The following DNAH8 variants were observed in gnomAD, a reference collection of about 807,000 sequenced individuals.
The protein encoded by DNAH8 is dynein axonemal heavy chain 8, also known as axonemal beta dynein heavy chain 8.
In DNAH8, 382 loss-of-function variants were observed where a neutral mutation model predicts 562.1. That is an observed-to-expected ratio of 0.68 (90% CI 0.63 to 0.74). The LOEUF is 0.74. Among genes scored for constraint, DNAH8 ranks in the 30% least tolerant of loss-of-function variants. The pLI, the probability that DNAH8 is intolerant of heterozygous loss-of-function variation, is 0.00. For missense variants in DNAH8, 5,203 were observed against 5,620.4 expected (o/e 0.93, Z 2.37); for synonymous variants, 1,881 against 1,919.4 (o/e 0.98, Z 0.52).
At chr6:38,813,330 C>A (rs1169488370) in intron 24 of DNAH8, among the ~76,000 whole-genome samples, 1 of 152,054 alleles carries the variant, frequency 6.6e-6, no homozygotes, top group Non-Finnish European at 1.5e-5. Context: ...ATCTGGGAAC[C>A]ATTGGCCCTG....
At chr6:38,894,669 T>G in intron 58 of DNAH8, 32 bp from the exon 59 acceptor site, 1 of 1,574,622 alleles carries the variant, frequency 6.4e-7, no homozygotes, top group Non-Finnish European at 8.7e-7. Context: ...ATCTGAAAAC[T>G]AACTGAGAGT....
chr6:38,863,275 C>T (rs1776779082), intron 44 of DNAH8, among the ~76,000 whole-genome samples: 1 of 151,752 alleles, frequency 6.6e-6, no homozygotes, highest in Non-Finnish European at 1.5e-5. Flanking sequence ...ACTAAAAATA[C>T]AAAAATTAGC....
chr6:38,750,515 A>C lies in DNAH8; in HGVS notation c.1333A>C (p.Asn445His), dbSNP rs892864091. The change falls in exon 9 of 93, where the codon AAT becomes CAT. Residue 445 changes from asparagine to histidine, a missense_variant. Around this residue, in one of 6 missense-constraint regions of DNAH8, gnomAD observed 2,176 missense variants for 2,365.1 expected, o/e 0.92. Coordinates refer to ENST00000327475, the MANE Select transcript of DNAH8 (RefSeq NM_001206927.2). ...DLDARITDTA[N>H]ESKDNVRYLY... ...GGATGCAAGAATCACTGATACAGCA[A>C]ATGAATCCAAAGATAATGTCAGATA... 1 of 1,612,514 alleles carries C rather than the reference A, an allele frequency of 6.2e-7. No homozygotes were observed. Among genetic ancestry groups the C allele is most frequent in the African/African-American group, 1.3e-5 (1 of 74,874 alleles).
chr6:38,737,565 T>C (rs1011492271), intron 6 of DNAH8, among the ~76,000 whole-genome samples: 2 of 151,402 alleles, frequency 1.3e-5, no homozygotes, highest in Non-Finnish European at 2.9e-5. Flanking sequence ...TTTTTCATAT[T>C]GTTAAAATGT....
At chr6:38,767,569 G>A (rs931112047) in intron 11 of DNAH8, among the ~76,000 whole-genome samples, 5 of 152,052 alleles carry the variant, frequency 3.3e-5, no homozygotes, top group East Asian at 1.9e-4. Context: ...GTTCTTTTGT[G>A]TCTGGTTTAT....
Position 39,030,292 on chromosome 6 carries a change from G to T in DNAH8, c.14024G>T (p.Arg4675Leu). 1 of 1,614,078 alleles carries T rather than the reference G, an allele frequency of 6.2e-7. No homozygotes were observed. The highest frequency in any genetic ancestry group is 1.1e-5 in the South Asian group (1 of 91,080). Residue 4675 changes from arginine to leucine, a missense_variant, in exon 93 of 93, where the codon CGA (arginine) becomes CTA (leucine). Arg to Leu is a moderately radical substitution (Grantham distance 102). Coordinates refer to ENST00000327475, the MANE Select transcript of DNAH8 (RefSeq NM_001206927.2). Reference sequence around the variant, plus strand: ...TGTCCTATTTACAAGAAACCCAGGCGAACTGATTTGACCTTCATCACTGTG... The same window carrying T: ...TGTCCTATTTACAAGAAACCCAGGCTAACTGATTTGACCTTCATCACTGTG... ...YVCPIYKKPR[R>L]TDLTFITVVY...
rs185117089 is a variant in DNAH8 at position 38,723,085 on chromosome 6, G to A, written c.276G>A (p.Pro92=). ...NRVRQRLAPR[P]VQSVISEVLS... is the part of the protein sequence containing the mutation. ...TTCGACAGAGGCTTGCACCGCGACCGGTTCAGTCAGTGATTTCGGAAGTGC... is the reference window on the plus strand; with the variant it reads ...TTCGACAGAGGCTTGCACCGCGACCAGTTCAGTCAGTGATTTCGGAAGTGC... Residue 92 remains proline, a synonymous_variant, in exon 2 of 93, where the codon CCG becomes CCA. Coordinates refer to ENST00000327475, the MANE Select transcript of DNAH8 (RefSeq NM_001206927.2). 10 of 1,612,876 alleles carry A rather than the reference G, an allele frequency of 6.2e-6. No individual in the cohort carries two copies. The Admixed American group carries it at 6.7e-5, about 11-fold the overall frequency.
At chr6:38,826,888 A>G (rs528999163) in intron 29 of DNAH8, among the ~76,000 whole-genome samples, 23 of 152,348 alleles carry the variant, frequency 1.5e-4, no homozygotes, top group African/African-American at 4.8e-4. Context: ...TGAGTTTTCT[A>G]TTGCTGCTAT....
At chr6:38,776,817 A>G (rs1768124983) in intron 13 of DNAH8, among the ~76,000 whole-genome samples, 3 of 152,188 alleles carry the variant, frequency 2.0e-5, no homozygotes, top group African/African-American at 7.2e-5. Flanking sequence ...CTTTTGGGCT[A>G]TATGACCTCA....
At chr6:38,909,918 C>A (rs1780756932) in intron 65 of DNAH8, among the ~76,000 whole-genome samples, 174 bp downstream of exon 65, 1 of 152,154 alleles carries the variant, frequency 6.6e-6, no homozygotes, top group South Asian at 2.1e-4. Flanking sequence ...GGCAAGTAAA[C>A]AAGATTTAAA....
intron 65 of DNAH8, 37 bp downstream of exon 65, chr6:38,909,781 C>T (rs1424297321): frequency 6.6e-7 from 1 of 1,513,194 alleles, no homozygotes; most frequent in East Asian, 2.3e-5. Context: ...GCTATGGAAC[C>T]ACAGCATGTA....
chr6:38,996,563 T>C (rs1765144120), intron 88 of DNAH8, among the ~76,000 whole-genome samples: 1 of 152,154 alleles, frequency 6.6e-6, no homozygotes, highest in African/African-American at 2.4e-5. Flanking sequence ...ACAAGGCTCA[T>C]CTAGAGCACC....
intron 8 of DNAH8, 120 bp from the exon 9 acceptor site, chr6:38,750,356 C>T (rs1765329505): frequency 3.7e-6 from 2 of 539,350 alleles, no homozygotes; most frequent in African/African-American, 3.9e-5. Flanking sequence ...ATATTAATCA[C>T]ACTTAAATAT....
At chr6:38,979,586 A>G (rs1041264502) in intron 85 of DNAH8, among the ~76,000 whole-genome samples, 5 of 152,226 alleles carry the variant, frequency 3.3e-5, no homozygotes, top group African/African-American at 1.2e-4. Flanking sequence ...TTTTTTTCCC[A>G]AGATGAGCTA....
At chr6:38,948,995 A>G (rs1056282649) in intron 80 of DNAH8, among the ~76,000 whole-genome samples, 1 of 152,060 alleles carries the variant, frequency 6.6e-6, no homozygotes, top group African/African-American at 2.4e-5. Context: ...AGGGTAATCT[A>G]CCCACCCCCA....
At chr6:38,781,141 C>T in intron 15 of DNAH8, 113 bp from the exon 16 acceptor site, 1 of 1,122,736 alleles carries the variant, frequency 8.9e-7, no homozygotes, top group South Asian at 1.7e-5. Flanking sequence ...TATTGACTAC[C>T]TACTGTATAT....
At chr6:38,785,950 A>G (rs1769119724) in intron 17 of DNAH8, among the ~76,000 whole-genome samples, 1 of 152,222 alleles carries the variant, frequency 6.6e-6, no homozygotes. Flanking sequence ...GCCACATTCA[A>G]CAAAACAATG....
At chr6:38,789,719 A>G in intron 18 of DNAH8, 84 bp from the exon 19 acceptor site, 2 of 1,033,138 alleles carry the variant, frequency 1.9e-6, no homozygotes, top group Non-Finnish European at 2.9e-6. Flanking sequence ...AACTGGGATT[A>G]TGAAACCTTC....
At chr6:38,929,432 C>A in intron 74 of DNAH8, 79 bp from the exon 75 acceptor site, 1 of 1,361,704 alleles carries the variant, frequency 7.3e-7, no homozygotes, top group Non-Finnish European at 9.7e-7. Context: ...GATTACCTGT[C>A]CAACAAATCT....
Sources: gnomAD v4.1 joint callset for allele counts (sites outside exome capture counted in the v4.1 genomes callset) on GRCh38, gnomAD v4.1.1 for gene constraint, gnomAD v4.1.1 regional missense constraint, MANE v1.5 for transcripts, NCBI Gene and HGNC (gene_info 2026-07-23, HGNC 2026-07-21) for gene names.